Variants in HCN4 observed in about 807,000 individuals in gnomAD.
The protein encoded by HCN4 is hyperpolarization activated cyclic nucleotide gated potassium channel 4.
A neutral mutation model predicts 76.9 loss-of-function variants in HCN4; 29 were observed. The observed-to-expected ratio is 0.38, with a 90% confidence interval of 0.28 to 0.51. HCN4 has a LOEUF of 0.51. HCN4 is among the 20% of genes least tolerant of loss of function. The pLI is 0.90. For missense variants in HCN4, 1,416 were observed against 1,715.2 expected (o/e 0.83, Z 3.08); for synonymous variants, 772 against 762.5 (o/e 1.01, Z -0.21).
chr15:73,360,778 G>T (rs1435119040), intron 1 of HCN4, among the ~76,000 whole-genome samples: 3 of 152,158 alleles, frequency 2.0e-5, no homozygotes, highest in African/African-American at 7.2e-5. Context: ...GTAAATGGTG[G>T]TTACTGATCT....
rs764646636 is a variant in HCN4 at position 73,324,168 on chromosome 15, G to A, written c.2064C>T (p.Asn688=). 1.1e-5 allele frequency: 17 copies of A among 1,613,986 alleles called. No homozygotes were observed. Among genetic ancestry groups the A allele is most frequent in the Non-Finnish European group, 1.4e-5 (16 of 1,180,016 alleles). Residue 688 remains asparagine (N), a synonymous_variant, in exon 7 of 8, where the codon AAC becomes AAT. Coordinates refer to ENST00000261917, the MANE Select transcript of HCN4 (RefSeq NM_005477.3). ...YCRLYSLSVD[N]FNEVLEEYPM... is the part of the protein sequence containing the mutation. ...GGTACTCCTCCAGCACCTCATTGAA[G>A]TTGTCCACGCTCAGCGAGTAGAGGC...
chr15:73,362,244 C>A (rs2043108128), intron 1 of HCN4, among the ~76,000 whole-genome samples: 2 of 152,220 alleles, frequency 1.3e-5, no homozygotes, highest in Non-Finnish European at 1.5e-5. Context: ...CTTCACCCTG[C>A]CACGCTGAGC....
Position 73,368,467 on chromosome 15 carries a change from C to T in HCN4, c.-197G>A, listed in dbSNP as rs981175877. 7.8e-5 allele frequency: 29 copies of T among 369,446 alleles called. No homozygotes were observed. Among genetic ancestry groups the T allele is most frequent in the Non-Finnish European group, 1.3e-4 (27 of 209,834 alleles). The allele number at this position is 369,446 out of a possible 1,614,324, so 22.9% of individuals were successfully genotyped here. On this transcript the variant is annotated 5_prime_UTR_variant, in exon 1 of 8. Coordinates refer to ENST00000261917, the MANE Select transcript of HCN4 (RefSeq NM_005477.3). The surrounding 1 kb of genome is among the most constrained non-coding windows in gnomAD (Gnocchi z 6.9). ...TAGTCCCGCTCCGAGTCCCCGGGCT[C>T]GCCGCGCTACACCTCCTCCCGGGCC...
intron 2 of HCN4, among the ~76,000 whole-genome samples, chr15:73,337,239 A>ACTAT (rs1283280563): frequency 6.6e-6 from 1 of 152,170 alleles, no homozygotes; most frequent in African/African-American, 2.4e-5. Flanking sequence ...TGGAGTTCTC[A>ACTAT]CTATCTGAAA....
In HCN4 at chr15:73,325,489, C is replaced by A. The variant is rs367963839; in HGVS notation, c.1591-45G>T. On this transcript the variant is annotated intron_variant, in intron 4 of 7. Coordinates refer to ENST00000261917, the MANE Select transcript of HCN4 (RefSeq NM_005477.3). This position sits in a 1 kb window ranked among gnomAD's most constrained non-coding sequence, Gnocchi z 7.4. Reference sequence around the variant, plus strand: ...GCGTCAGCTCCACCCCACCAGGGGGCGTCAGCAGCCAGCCCCACCACCTCG... The same window carrying A: ...GCGTCAGCTCCACCCCACCAGGGGGAGTCAGCAGCCAGCCCCACCACCTCG... The A allele has an allele frequency of 2.7e-5, 44 of 1,607,032 alleles. No homozygotes were observed. Among genetic ancestry groups the A allele is most frequent in the Non-Finnish European group, 3.7e-5 (44 of 1,173,864 alleles).
intron 3 of HCN4, among the ~76,000 whole-genome samples, chr15:73,331,883 C>G (rs2151217693): frequency 6.6e-6 from 1 of 152,272 alleles, no homozygotes; most frequent in Middle Eastern, 3.4e-3. Flanking sequence ...AATACTGAGG[C>G]TCCCAGTTGC....
rs537717251 is a variant in HCN4 at position 73,322,832 on chromosome 15, G to A, written c.3261C>T (p.Ser1087=). The A allele has an allele frequency of 1.1e-5, 17 of 1,523,004 alleles. No homozygotes were observed. The highest frequency in any genetic ancestry group is 1.8e-4 in the Middle Eastern group (1 of 5,680). 94.3% of individuals were successfully genotyped at this position (1,523,004 alleles called of 1,614,324 possible). Residue 1087 remains serine (S), a synonymous_variant, in exon 8 of 8, where the codon TCC becomes TCT. Coordinates refer to ENST00000261917, the MANE Select transcript of HCN4 (RefSeq NM_005477.3). Reference sequence around the variant, plus strand: ...CCTGAGGCAGGGCTGGCTGAGACGCGGAGATGAGCTTGAGGTCCTGGGTGA... The same window carrying A: ...CCTGAGGCAGGGCTGGCTGAGACGCAGAGATGAGCTTGAGGTCCTGGGTGA... ...GRLTQDLKLI[S]ASQPALPQDG...
chr15:73,348,658 T>C (rs1432431776), intron 1 of HCN4, among the ~76,000 whole-genome samples: 1 of 152,174 alleles, frequency 6.6e-6, no homozygotes, highest in Non-Finnish European at 1.5e-5. Context: ...ACAGCCTGAG[T>C]CTTGGTTTTA....
chr15:73,327,194 C>T (rs143847413), intron 4 of HCN4, among the ~76,000 whole-genome samples: 451 of 151,596 alleles, frequency 3.0e-3, no homozygotes, highest in African/African-American at 0.01. Context: ...GCAACCTCCG[C>T]CTCCTAGGTT....
At chr15:73,329,452 T>C (rs982483650) in intron 4 of HCN4, 121 bp downstream of exon 4, 1 of 861,774 alleles carries the variant, frequency 1.2e-6, no homozygotes, top group Admixed American at 2.2e-5. Context: ...TCCCTCACAC[T>C]GGGAGTTCCG....
At chr15:73,358,648 C>T (rs2043091726) in intron 1 of HCN4, among the ~76,000 whole-genome samples, 1 of 152,204 alleles carries the variant, frequency 6.6e-6, no homozygotes. Context: ...TCAGAGTCCT[C>T]AAGGGTGAAG....
intron 2 of HCN4, chr15:73,335,705 G>A (rs377099362): frequency 2.6e-5 from 4 of 152,244 alleles, no homozygotes; most frequent in Non-Finnish European, 4.4e-5. Flanking sequence ...TCCTGGGAAC[G>A]GCCCTGCACA....
chr15:73,343,507 T>C lies in HCN4; in HGVS notation c.1087A>G (p.Ile363Val), dbSNP rs144168042. 9.9e-6 allele frequency: 16 copies of C among 1,614,066 alleles called. No homozygotes were observed. The African/African-American group carries it at 1.7e-4, about 18-fold the overall frequency. ...DYIFLIVETR[I>V]DSEVYKTARA... ...GCAGTCTTGTAGACCTCCGAGTCGA[T>C]GCGTGTCTCCACAATGAGGAAGATG... Residue 363 changes from isoleucine to valine, a missense_variant, in exon 2 of 8, where the codon ATC (isoleucine) becomes GTC (valine). Transcript: ENST00000261917. This position sits in a 1 kb window ranked among gnomAD's most constrained non-coding sequence, Gnocchi z 5.7.
intron 3 of HCN4, among the ~76,000 whole-genome samples, chr15:73,330,553 G>A (rs975030798): frequency 6.6e-6 from 1 of 152,200 alleles, no homozygotes; most frequent in African/African-American, 2.4e-5. Context: ...ACATAGAGAG[G>A]ACACTGCCCC....
chr15:73,332,433 G>C (rs999199697), intron 2 of HCN4, 141 bp from the exon 3 acceptor site: 4 of 832,328 alleles, frequency 4.8e-6, no homozygotes, highest in Non-Finnish European at 8.1e-6. Flanking sequence ...AATCCAGGCT[G>C]GGGGTGGGAT....
Position 73,367,479 on chromosome 15 carries a change from C to T in HCN4, c.785+7G>A, listed in dbSNP as rs764868642. The T allele has an allele frequency of 1.9e-6, 3 of 1,613,010 alleles. No homozygotes were observed. In the Admixed American group the frequency reaches 5.0e-5, roughly 27 times the overall value. On this transcript the variant is annotated splice_region_variant and intron_variant, in intron 1 of 7. Coordinates refer to ENST00000261917, the MANE Select transcript of HCN4 (RefSeq NM_005477.3). This position sits in a 1 kb window ranked among gnomAD's most constrained non-coding sequence, Gnocchi z 7.5. ...GCACCCACAGGATCATCGCTGTGGC[C>T]CCTTACCTGAAGTCACTGTAGGGGT...
At chr15:73,363,044 C>G (rs1406137367) in intron 1 of HCN4, among the ~76,000 whole-genome samples, 2 of 152,210 alleles carry the variant, frequency 1.3e-5, no homozygotes, top group African/African-American at 4.8e-5. Flanking sequence ...ACTGTGCCAG[C>G]TGATAGCACA....
intron 1 of HCN4, among the ~76,000 whole-genome samples, chr15:73,357,332 G>C (rs2151225223): frequency 6.6e-6 from 1 of 152,256 alleles, no homozygotes; most frequent in Middle Eastern, 3.4e-3. Flanking sequence ...CAACCCAACA[G>C]GATGATGATG....
rs748737880 is a variant in HCN4, at chr15:73,363,219, C to T, written c.785+4267G>A. The stretch of plus-strand genomic sequence containing the variant: ...AGCAAAGAAGGGGCCTCGGAACCCC[C>T]AGACCCAGAGTCAGGCTGCTGCCTC... On this transcript the variant is annotated intron_variant, in intron 1 of 7. Transcript: ENST00000261917. Among the ~76,000 whole-genome samples the T allele has an allele frequency of 1.2e-4, 18 of 152,232 alleles. 1 individual carries two copies. The highest frequency in any genetic ancestry group is 1.9e-4 in the African/African-American group (8 of 41,464).
Sources: allele counts gnomAD v4.1 joint callset (sites outside exome capture counted in the v4.1 genomes callset), GRCh38; gene constraint gnomAD v4.1.1; non-coding constraint Gnocchi (gnomAD v3.1); transcripts MANE v1.5; gene names NCBI Gene and HGNC (gene_info 2026-07-23, HGNC 2026-07-21).